Variants in KCNH8 observed in about 807,000 individuals in gnomAD.
The protein encoded by KCNH8 is potassium voltage-gated channel subfamily H member 8, also known as voltage-gated delayed rectifier potassium channel KCNH8.
A neutral mutation model predicts 103.6 loss-of-function variants in KCNH8; 70 were observed. The ratio of observed to expected loss-of-function variants is 0.68; its 90% CI spans 0.56 to 0.82. The LOEUF (loss-of-function observed/expected upper bound fraction) is 0.82, where lower values mean the gene tolerates loss of function less well. KCNH8 is among the 40% of genes least tolerant of loss of function. The probability of loss-of-function intolerance (pLI) is 0.00; values close to 1 mark genes in which losing one functional copy is unlikely to be tolerated. For missense variants in KCNH8, 1,217 were observed against 1,329.9 expected, an observed-to-expected ratio of 0.92 and a Z score of 1.32; for synonymous variants, 498 against 489.4, an observed-to-expected ratio of 1.02 and a Z score of -0.23.
chr3:19,461,693 T>C (rs529545799), intron 11 of KCNH8, among the ~76,000 whole-genome samples: 151 of 152,332 alleles, frequency 9.9e-4, no homozygotes, highest in African/African-American at 3.5e-3. Context: ...ATACTTTAAG[T>C]TCTAGGGTAC....
intron 5 of KCNH8, among the ~76,000 whole-genome samples, chr3:19,370,400 G>A (rs2066072017): frequency 6.6e-6 from 1 of 152,050 alleles, no homozygotes. Context: ...TTAATTAAGT[G>A]AAAATTGGAA....
chr3:19,534,037 C>T lies in KCNH8; in HGVS notation c.3262C>T (p.Leu1088Phe), dbSNP rs372956608. Residue 1088 changes from leucine (L) to phenylalanine (F), a missense_variant, in exon 16 of 16, where the codon CTT (leucine) becomes TTT (phenylalanine). Coordinates refer to ENST00000328405, the MANE Select transcript of KCNH8 (RefSeq NM_144633.3). The stretch of plus-strand genomic sequence containing the variant: ...AGCTTCTACAAAACCTTTGGAGAAC[C>T]TTCCACTGGAAGTTGTCACAAGCAC... ...ASASTKPLEN[L>F]PLEVVTSTAE... is the part of the protein sequence containing the mutation. 228 of 1,614,010 alleles carry T rather than the reference C, an allele frequency of 1.4e-4. No individual in the cohort carries two copies. The highest frequency in any genetic ancestry group is 1.9e-4 in the Non-Finnish European group (224 of 1,180,016).
At chr3:19,220,462 G>A (rs999746256) in intron 1 of KCNH8, among the ~76,000 whole-genome samples, 6 of 152,216 alleles carry the variant, frequency 3.9e-5, no homozygotes, top group African/African-American at 7.2e-5. Context: ...GATTGGTGAC[G>A]TGTAGGAGAG....
chr3:19,351,811 G>T (rs1470249830), intron 5 of KCNH8, among the ~76,000 whole-genome samples: 2 of 152,104 alleles, frequency 1.3e-5, no homozygotes, highest in Non-Finnish European at 2.9e-5. Context: ...ATCGAGGCTG[G>T]GAAGAAACTG....
intron 5 of KCNH8, among the ~76,000 whole-genome samples, chr3:19,363,435 G>C (rs1264636494): frequency 6.6e-6 from 1 of 152,158 alleles, no homozygotes; most frequent in Non-Finnish European, 1.5e-5. Context: ...ACACAGTCTA[G>C]AAGCAAGTCA....
chr3:19,502,485 A>T (rs2068606644), intron 11 of KCNH8, among the ~76,000 whole-genome samples: 1 of 152,192 alleles, frequency 6.6e-6, no homozygotes, highest in South Asian at 2.1e-4. Flanking sequence ...AGCCAAAAGA[A>T]CAAAGCTGGA....
At chr3:19,446,190 T>C (rs1339233206) in intron 8 of KCNH8, among the ~76,000 whole-genome samples, 2 of 152,020 alleles carry the variant, frequency 1.3e-5, no homozygotes, top group African/African-American at 2.4e-5. Flanking sequence ...TTTTCTCATG[T>C]CTTTAAAAAT....
rs1261402177 is a variant in KCNH8, at chr3:19,510,344, C to T, written c.2041-19C>T. 5 of 1,514,438 alleles carry T rather than the reference C, an allele frequency of 3.3e-6. No individual in the cohort carries two copies. The highest frequency in any genetic ancestry group is 4.6e-6 in the Non-Finnish European group (5 of 1,089,580). 93.8% of individuals were successfully genotyped at this position (1,514,438 alleles called of 1,614,324 possible). On this transcript the variant is annotated intron_variant, in intron 11 of 15. Coordinates refer to ENST00000328405, the MANE Select transcript of KCNH8 (RefSeq NM_144633.3). ...ACCAGGATATGTAAAATGATTAATA[C>T]TTCTGTTTGTTCTTTCAGGTGATAT...
intron 7 of KCNH8, among the ~76,000 whole-genome samples, chr3:19,419,360 C>T (rs376768388): frequency 2.0e-5 from 3 of 151,466 alleles, no homozygotes; most frequent in Admixed American, 6.6e-5. Flanking sequence ...CCACCACGCC[C>T]GGCTAATTTT....
At chr3:19,519,061 C>T (rs1440463421) in intron 15 of KCNH8, among the ~76,000 whole-genome samples, 1 of 151,866 alleles carries the variant, frequency 6.6e-6, no homozygotes, top group African/African-American at 2.4e-5. Flanking sequence ...CACTGGAGAC[C>T]TCTGAGAGAC....
chr3:19,364,565 A>G (rs1450231413), intron 5 of KCNH8, among the ~76,000 whole-genome samples: 5 of 152,134 alleles, frequency 3.3e-5, no homozygotes, highest in African/African-American at 9.7e-5. Flanking sequence ...AAGCCTGCGT[A>G]TATAGCAATA....
At chr3:19,254,946 T>C (rs766049662) in intron 2 of KCNH8, among the ~76,000 whole-genome samples, 5 of 152,146 alleles carry the variant, frequency 3.3e-5, no homozygotes, top group Non-Finnish European at 5.9e-5. Flanking sequence ...TCCCATGGTG[T>C]GGACAGAACT....
intron 7 of KCNH8, among the ~76,000 whole-genome samples, chr3:19,436,456 A>C (rs889528644): frequency 2.6e-5 from 4 of 152,218 alleles, no homozygotes; most frequent in African/African-American, 9.6e-5. Flanking sequence ...GTCATTTCAG[A>C]AGAGCCATTC....
chr3:19,422,413 A>T (rs2066964290), intron 7 of KCNH8, among the ~76,000 whole-genome samples: 1 of 152,168 alleles, frequency 6.6e-6, no homozygotes, highest in Non-Finnish European at 1.5e-5. Flanking sequence ...CTGTCATTTT[A>T]AGCAGGAACA....
At chr3:19,331,661 A>G (rs776258866) in intron 3 of KCNH8, among the ~76,000 whole-genome samples, 2 of 152,198 alleles carry the variant, frequency 1.3e-5, no homozygotes, top group Non-Finnish European at 2.9e-5. Context: ...ATTTTGGTAC[A>G]GGCATACAAT....
At chr3:19,372,489 T>G (rs947049468) in intron 5 of KCNH8, among the ~76,000 whole-genome samples, 2 of 151,956 alleles carry the variant, frequency 1.3e-5, no homozygotes, top group African/African-American at 4.8e-5. Flanking sequence ...CTGAAGTTGC[T>G]TATCAGCTTA....
intron 5 of KCNH8, among the ~76,000 whole-genome samples, chr3:19,378,361 A>G (rs773009652): frequency 3.3e-5 from 5 of 152,180 alleles, no homozygotes; most frequent in Non-Finnish European, 5.9e-5. Flanking sequence ...ATTTTTTGCC[A>G]CTGTGTTTTT....
At chr3:19,500,210 A>G (rs571919622) in intron 11 of KCNH8, among the ~76,000 whole-genome samples, 7 of 152,354 alleles carry the variant, frequency 4.6e-5, no homozygotes, top group African/African-American at 1.7e-4. Flanking sequence ...ACTTAATGGT[A>G]AAGGGATCAA....
At chr3:19,371,755 A>G (rs1272712290) in intron 5 of KCNH8, among the ~76,000 whole-genome samples, 2 of 50,090 alleles carry the variant, frequency 4.0e-5, no homozygotes, top group Non-Finnish European at 7.8e-5. Flanking sequence ...TCTAACGTTT[A>G]AAGTCTTTAA....
Sources: gnomAD v4.1 joint callset for allele counts (sites outside exome capture counted in the v4.1 genomes callset) on GRCh38, gnomAD v4.1.1 for gene constraint, MANE v1.5 for transcripts, NCBI Gene and HGNC (gene_info 2026-07-23, HGNC 2026-07-21) for gene names.